Variants in LHFPL4 observed in about 807,000 individuals in gnomAD.
The protein encoded by LHFPL4 is LHFPL tetraspan subfamily member 4.
In LHFPL4, 6 loss-of-function variants were observed where a neutral mutation model predicts 20.0. The ratio of observed to expected loss-of-function variants is 0.30; its 90% CI spans 0.16 to 0.59. The LOEUF is 0.59. Among genes scored for constraint, LHFPL4 ranks in the 20% least tolerant of loss-of-function variants. The probability of loss-of-function intolerance (pLI) is 0.88; values close to 1 mark genes in which losing one functional copy is unlikely to be tolerated. For missense variants in LHFPL4, 215 were observed against 331.2 expected, an observed-to-expected ratio of 0.65 and a Z score of 2.72; for synonymous variants, 129 against 143.8, an observed-to-expected ratio of 0.90 and a Z score of 0.74.
chr3:9,516,981 AT>A (rs1440925461), intron 2 of LHFPL4, among the ~76,000 whole-genome samples: 2 of 151,250 alleles, frequency 1.3e-5, no homozygotes, highest in South Asian at 2.1e-4. Context: ...GGGTTTCGCC[AT>A]GTTGCCCAGG....
chr3:9,520,785 T>C (rs915675840), intron 2 of LHFPL4, among the ~76,000 whole-genome samples: 1 of 152,198 alleles, frequency 6.6e-6, no homozygotes, highest in African/African-American at 2.4e-5. Flanking sequence ...AGACATTGTA[T>C]AATTTCTGGT....
In LHFPL4 at chr3:9,498,701, A is replaced by G. The variant is rs913687212; in HGVS notation, c.*3510T>C. On this transcript the variant is annotated 3_prime_UTR_variant, in exon 4 of 4. Transcript: ENST00000287585. The stretch of plus-strand genomic sequence containing the variant: ...TGGGAACATCCCAGCTTCTCCAAAG[A>G]CAGGGTTTCCCTTTCTCTTTCTCAG... 14 of 152,676 alleles carry G rather than the reference A, an allele frequency of 9.2e-5. No individual in the cohort carries two copies. The highest frequency in any genetic ancestry group is 3.4e-4 in the African/African-American group (14 of 41,454). 9.5% of individuals were successfully genotyped at this position (152,676 alleles called of 1,614,324 possible).
chr3:9,506,006 T>C lies in LHFPL4; in HGVS notation c.604A>G (p.Thr202Ala). 6.2e-7 allele frequency: 1 copy of C among 1,614,204 alleles called. No homozygotes were observed. The highest frequency in any genetic ancestry group is 8.5e-7 in the Non-Finnish European group (1 of 1,180,032). ...FLAFVLGNRQ[T>A]DLLQEELKPE... ...TTGAGCTCCTCCTGCAGCAGGTCTG[T>C]TTGCCGGTTGCCCAGCACGAAGGCG... Residue 202 changes from threonine (T) to alanine (A), a missense_variant, in exon 3 of 4, where the codon ACA becomes GCA. By Grantham distance (58) the Thr-to-Ala change is moderately conservative. This residue lies in a region of LHFPL4 where 164 missense variants were observed against 286.7 expected (regional missense o/e 0.57). Coordinates refer to ENST00000287585, the MANE Select transcript of LHFPL4 (RefSeq NM_198560.3). This position sits in a 1 kb window ranked among gnomAD's most constrained non-coding sequence, Gnocchi z 4.5.
chr3:9,513,005 C>G (rs541344619), intron 2 of LHFPL4, among the ~76,000 whole-genome samples: 1 of 152,322 alleles, frequency 6.6e-6, no homozygotes, highest in African/African-American at 2.4e-5. Flanking sequence ...GTCGCCCAGG[C>G]TGGAGTGCAG....
rs563243735 is a variant in LHFPL4 at position 9,521,495 on chromosome 3, G to C, written c.407-15292C>G. Among the ~76,000 whole-genome samples, 8 of 151,936 alleles carry C rather than the reference G, an allele frequency of 5.3e-5. No individual in the cohort carries two copies. In the East Asian group the frequency reaches 1.5e-3, roughly 29 times the overall value. On this transcript the variant is annotated intron_variant, in intron 2 of 3. Transcript: ENST00000287585. ...CAGCTCACTGCAAGCTCCACCTCCA[G>C]CTTCACGCCATTCTCCTGCCTCAGC...
intron 2 of LHFPL4, 99 bp downstream of exon 2, chr3:9,552,175 G>A (rs1224065171): frequency 1.4e-6 from 2 of 1,468,902 alleles, no homozygotes; most frequent in Non-Finnish European, 1.8e-6. Flanking sequence ...TTAACACAGA[G>A]AAGCAGAATC....
At chr3:9,503,957 T>C (rs2046197443) in intron 3 of LHFPL4, among the ~76,000 whole-genome samples, 1 of 152,110 alleles carries the variant, frequency 6.6e-6, no homozygotes, top group Non-Finnish European at 1.5e-5. Flanking sequence ...GCCCAGGAGT[T>C]TGAGGCTGCA....
chr3:9,527,887 GACC>G (rs2046385455), intron 2 of LHFPL4, among the ~76,000 whole-genome samples: 1 of 150,120 alleles, frequency 6.7e-6, no homozygotes, highest in South Asian at 2.1e-4. Flanking sequence ...TTTGGTTCCA[GACC>G]ACCGTAATAA....
intron 2 of LHFPL4, among the ~76,000 whole-genome samples, chr3:9,549,871 G>A (rs2046541933): frequency 6.6e-6 from 1 of 152,112 alleles, no homozygotes; most frequent in Non-Finnish European, 1.5e-5. Flanking sequence ...CCACAGGGCT[G>A]AAAGAGATAC....
At chr3:9,523,682 A>G (rs1463511521) in intron 2 of LHFPL4, among the ~76,000 whole-genome samples, 1 of 152,080 alleles carries the variant, frequency 6.6e-6, no homozygotes, top group Admixed American at 6.6e-5. Flanking sequence ...CATGTTGGCC[A>G]GGCTGATCTC....
intron 2 of LHFPL4, among the ~76,000 whole-genome samples, chr3:9,517,589 A>G (rs1344180998): frequency 2.7e-5 from 4 of 150,274 alleles, no homozygotes; most frequent in African/African-American, 9.8e-5. Context: ...CCAGCTACTC[A>G]GGGGGCTAAG....
At chr3:9,551,636 G>A (rs1383984356) in intron 2 of LHFPL4, among the ~76,000 whole-genome samples, 1 of 152,142 alleles carries the variant, frequency 6.6e-6, no homozygotes, top group Non-Finnish European at 1.5e-5. Flanking sequence ...TGGGAGTGGG[G>A]ATGGAGACCT....
Position 9,552,596 on chromosome 3 carries a change from G to A in LHFPL4, c.84C>T (p.Ile28=). Residue 28 remains isoleucine, a synonymous_variant, in exon 2 of 4, where the codon ATC becomes ATT. Coordinates refer to ENST00000287585, the MANE Select transcript of LHFPL4 (RefSeq NM_198560.3). ...NSRAIGVLWA[I]FTICFAIINV... is the part of the protein sequence containing the mutation. The stretch of plus-strand genomic sequence containing the variant: ...TGATGATGGCGAAGCAGATGGTGAA[G>A]ATGGCCCACAGCACGCCGATGGCCC... The A allele has an allele frequency of 6.2e-7, 1 of 1,613,978 alleles. No homozygotes were observed. The highest frequency in any genetic ancestry group is 8.5e-7 in the Non-Finnish European group (1 of 1,179,964).
intron 2 of LHFPL4, among the ~76,000 whole-genome samples, chr3:9,527,807 CAA>C (rs1371481158): frequency 1.6e-5 from 2 of 123,996 alleles, no homozygotes; most frequent in African/African-American, 3.3e-5. Context: ...TTTTCAAATA[CAA>C]ACACACACAC....
chr3:9,523,110 G>T (rs953423592), intron 2 of LHFPL4, among the ~76,000 whole-genome samples: 67 of 137,824 alleles, frequency 4.9e-4, no homozygotes, highest in African/African-American at 1.6e-3. Context: ...GAGAGAGAAA[G>T]CAAGCAAGCA....
At chr3:9,509,383 G>C (rs559437197) in intron 2 of LHFPL4, among the ~76,000 whole-genome samples, 2 of 150,800 alleles carry the variant, frequency 1.3e-5, no homozygotes, top group Non-Finnish European at 2.9e-5. Flanking sequence ...TTCTTTTCTC[G>C]CTTCTCTATA....
chr3:9,521,230 T>C (rs1043126591), intron 2 of LHFPL4, among the ~76,000 whole-genome samples: 4 of 106,062 alleles, frequency 3.8e-5, no homozygotes, highest in African/African-American at 1.6e-4. Context: ...TTTCTTCTTC[T>C]TCTTTTTTTT....
chr3:9,538,508 C>T (rs1237758092), intron 2 of LHFPL4, among the ~76,000 whole-genome samples: 4 of 152,116 alleles, frequency 2.6e-5, no homozygotes, highest in East Asian at 1.9e-4. Context: ...TAATTGCTAA[C>T]GTTTATTAAG....
chr3:9,549,082 G>A (rs146520457), intron 2 of LHFPL4, among the ~76,000 whole-genome samples: 396 of 152,274 alleles, frequency 2.6e-3, no homozygotes, highest in Middle Eastern at 6.8e-3. Context: ...TAAGTGAGCC[G>A]ATAAACCCTA....
Sources: gnomAD v4.1 joint callset for allele counts (sites outside exome capture counted in the v4.1 genomes callset) on GRCh38, gnomAD v4.1.1 for gene constraint, gnomAD v4.1.1 regional missense constraint, Gnocchi (gnomAD v3.1) non-coding constraint, MANE v1.5 for transcripts, NCBI Gene and HGNC (gene_info 2026-07-23, HGNC 2026-07-21) for gene names.